The following CDH13 variants were observed in gnomAD, a reference collection of about 807,000 sequenced individuals.
CDH13 encodes the protein cadherin-13.
A neutral mutation model predicts 63.8 loss-of-function variants in CDH13; 24 were observed. The observed-to-expected ratio is 0.38, with a 90% CI of 0.27 to 0.53. CDH13 has a LOEUF of 0.53. Ranked by LOEUF, CDH13 falls within the 20% of genes least tolerant of loss-of-function variation. The pLI, the probability that CDH13 is intolerant of heterozygous loss-of-function variation, is 0.85. For missense variants in CDH13, 1,049 were observed against 903.1 expected (o/e 1.16, Z -2.07); for synonymous variants, 503 against 355.3 (o/e 1.42, Z -4.67).
chr16:83,554,097 C>G (rs2075559592), intron 7 of CDH13, among the ~76,000 whole-genome samples: 1 of 152,030 alleles, frequency 6.6e-6, no homozygotes, highest in African/African-American at 2.4e-5. Flanking sequence ...TAGATTAGAC[C>G]TCAATGTAGC....
chr16:83,251,320 T>C (rs1905502376), intron 5 of CDH13, among the ~76,000 whole-genome samples: 1 of 152,214 alleles, frequency 6.6e-6, no homozygotes, highest in Non-Finnish European at 1.5e-5. Context: ...CCAGACATCA[T>C]GTTAAGTATT....
intron 11 of CDH13, among the ~76,000 whole-genome samples, chr16:83,757,576 T>C (rs1597185817): frequency 6.6e-6 from 1 of 152,124 alleles, no homozygotes; most frequent in Non-Finnish European, 1.5e-5. Flanking sequence ...AGACTCTGTC[T>C]CTAAAAAATT....
At chr16:83,189,799 G>T (rs1014321577) in intron 4 of CDH13, among the ~76,000 whole-genome samples, 1 of 152,186 alleles carries the variant, frequency 6.6e-6, no homozygotes, top group African/African-American at 2.4e-5. Flanking sequence ...ACCTTGAATT[G>T]TAGTTCCCAT....
intron 8 of CDH13, among the ~76,000 whole-genome samples, chr16:83,624,194 C>T (rs989438961): frequency 3.3e-5 from 5 of 152,124 alleles, no homozygotes; most frequent in African/African-American, 1.2e-4. Flanking sequence ...TTCTGACAGC[C>T]CTGATGCCTT....
At chr16:82,861,636 A>C (rs2039949902) in intron 2 of CDH13, among the ~76,000 whole-genome samples, 1 of 151,540 alleles carries the variant, frequency 6.6e-6, no homozygotes, top group Non-Finnish European at 1.5e-5. Context: ...GGTCACCTCC[A>C]CTCCTTTTAT....
At chr16:83,354,921 A>G (rs2091023868) in intron 6 of CDH13, among the ~76,000 whole-genome samples, 1 of 152,192 alleles carries the variant, frequency 6.6e-6, no homozygotes, top group South Asian at 2.1e-4. Flanking sequence ...TTCGCACCAT[A>G]TTGGTAGAAT....
At chr16:82,768,338 T>C (rs900438789) in intron 1 of CDH13, among the ~76,000 whole-genome samples, 2 of 152,168 alleles carry the variant, frequency 1.3e-5, no homozygotes, top group African/African-American at 4.8e-5. Context: ...TAGCAATTAG[T>C]TTCATTGATA....
chr16:83,377,622 A>T (rs1597868029), intron 6 of CDH13, among the ~76,000 whole-genome samples: 1 of 152,204 alleles, frequency 6.6e-6, no homozygotes, highest in Non-Finnish European at 1.5e-5. Context: ...AATAAAGCAA[A>T]AGTCATTGAA....
rs369536339 is a variant in CDH13, at chr16:83,068,277, G to C, written c.366+36059G>C. ...TCACTTAGTGTCTAAAAAACCCTAA[G>C]GTTTTGCCATATAACTTTCATCCCC... On this transcript the variant is annotated intron_variant, in intron 3 of 13. Coordinates refer to ENST00000567109, the MANE Select transcript of CDH13 (RefSeq NM_001257.5). Among the ~76,000 whole-genome samples, 100 of 152,158 alleles carry C rather than the reference G, an allele frequency of 6.6e-4. 3 individuals are homozygous for C. In the South Asian group the frequency reaches 0.02, roughly 30 times the overall value.
At chr16:83,117,406 T>TC (rs5818426) in intron 3 of CDH13, among the ~76,000 whole-genome samples, 77,032 of 151,856 alleles carry the variant, frequency 0.51, 19,796 homozygotes, top group East Asian at 0.6. Context: ...TCCACTGCCA[T>TC]CTCCTCGGTG....
intron 7 of CDH13, among the ~76,000 whole-genome samples, chr16:83,494,068 G>A (rs1388571052): frequency 6.6e-6 from 1 of 152,160 alleles, no homozygotes; most frequent in Non-Finnish European, 1.5e-5. Flanking sequence ...TGAATCAAGA[G>A]ACACTTAACT....
chr16:82,797,287 T>C (rs958813570), intron 1 of CDH13, among the ~76,000 whole-genome samples: 1 of 152,162 alleles, frequency 6.6e-6, no homozygotes, highest in Non-Finnish European at 1.5e-5. Context: ...ATATGGTATG[T>C]GGTTCAACAG....
chr16:82,768,332 A>T (rs1330467358), intron 1 of CDH13, among the ~76,000 whole-genome samples: 1 of 152,126 alleles, frequency 6.6e-6, no homozygotes, highest in African/African-American at 2.4e-5. Context: ...TCATTTTAGC[A>T]ATTAGTTTCA....
At chr16:83,456,962 A>T (rs114200328) in intron 6 of CDH13, among the ~76,000 whole-genome samples, 4,327 of 152,198 alleles carry the variant, frequency 0.028, 201 homozygotes, top group African/African-American at 0.093. Context: ...ACTCTGCCTA[A>T]AATAATAAAA....
intron 8 of CDH13, among the ~76,000 whole-genome samples, chr16:83,626,531 TG>T (rs1910321664): frequency 6.6e-6 from 1 of 152,204 alleles, no homozygotes; most frequent in Non-Finnish European, 1.5e-5. Context: ...CACAAATGTG[TG>T]GTTTCCAAAC....
At chr16:83,128,117 T>C (rs1203147029) in intron 4 of CDH13, among the ~76,000 whole-genome samples, 2 of 152,204 alleles carry the variant, frequency 1.3e-5, no homozygotes, top group African/African-American at 2.4e-5. Flanking sequence ...TCACCATGCA[T>C]CAGAATCAGC....
chr16:82,748,604 C>CA (rs56083334), intron 1 of CDH13, among the ~76,000 whole-genome samples: 41,071 of 151,750 alleles, frequency 0.27, 6,226 homozygotes, highest in South Asian at 0.38. Flanking sequence ...AAGCTGCTAA[C>CA]AAAAAAATCA....
At position 83,307,000 on chromosome 16, in the gene CDH13, T is replaced by C. The variant is rs112765006; in HGVS notation, c.637-37862T>C. 1.1e-4 allele frequency among the ~76,000 whole-genome samples: 17 copies of C among 152,336 alleles called. 1 individual carries two copies. The highest frequency in any genetic ancestry group is 3.9e-4 in the Admixed American group (6 of 15,294). On this transcript the variant is annotated intron_variant, in intron 5 of 13. Transcript: ENST00000567109. ...CTAGATAGTAATGCATACATGAGAA[T>C]AGTGGAACAAATTAAACCTCTTTCG...
chr16:83,106,417 T>C (rs8046798), intron 3 of CDH13, among the ~76,000 whole-genome samples: 4,149 of 152,226 alleles, frequency 0.027, 182 homozygotes, highest in African/African-American at 0.095. Context: ...GGCATGTGCC[T>C]GTAATCCCAG....
Sources: allele counts gnomAD v4.1 joint callset (sites outside exome capture counted in the v4.1 genomes callset), GRCh38; gene constraint gnomAD v4.1.1; transcripts MANE v1.5; gene names NCBI Gene and HGNC (gene_info 2026-07-23, HGNC 2026-07-21).